KDM4B: variants seen among roughly 807,000 people sequenced by gnomAD.
The protein encoded by KDM4B is lysine demethylase 4B, also known as lysine-specific demethylase 4B.
A neutral mutation model predicts 125.2 loss-of-function variants in KDM4B; 32 were observed. The ratio of observed to expected loss-of-function variants is 0.26; its 90% CI spans 0.19 to 0.34. KDM4B has a LOEUF of 0.34. Among genes scored for constraint, KDM4B ranks in the 10% least tolerant of loss-of-function variants. The pLI is 1.00. For missense variants in KDM4B, 1,190 were observed against 1,577.7 expected, an observed-to-expected ratio of 0.75 and a Z score of 4.16; for synonymous variants, 721 against 677.9, an observed-to-expected ratio of 1.06 and a Z score of -0.99.
chr19:5,150,879 C>T (rs2039935010), intron 22 of KDM4B, among the ~76,000 whole-genome samples: 1 of 152,184 alleles, frequency 6.6e-6, no homozygotes, highest in Admixed American at 6.5e-5. Flanking sequence ...TGAGGTTTTT[C>T]CTTATTAAAC....
At chr19:5,051,413 G>A (rs1206278445) in intron 6 of KDM4B, among the ~76,000 whole-genome samples, 1 of 152,264 alleles carries the variant, frequency 6.6e-6, no homozygotes, top group South Asian at 2.1e-4. Flanking sequence ...ACCCTGCAGG[G>A]CAGTGTTGGG....
chr19:5,137,449 C>T, intron 16 of KDM4B, 111 bp downstream of exon 16: 1 of 1,238,440 alleles, frequency 8.1e-7, no homozygotes, highest in Non-Finnish European at 1.1e-6. Flanking sequence ...TGGGTTCCTT[C>T]ACCTCTGCCC....
chr19:5,102,687 G>A (rs1200936410), intron 9 of KDM4B, among the ~76,000 whole-genome samples: 1 of 152,106 alleles, frequency 6.6e-6, no homozygotes, highest in Non-Finnish European at 1.5e-5. Flanking sequence ...TCCCTTCACC[G>A]GCAATGGGCG....
At chr19:4,994,078 C>T (rs570164290) in intron 1 of KDM4B, among the ~76,000 whole-genome samples, 14 of 101,296 alleles carry the variant, frequency 1.4e-4, no homozygotes, top group African/African-American at 4.7e-4. Flanking sequence ...GACAGGGTTT[C>T]GACCTCCCGG....
At chr19:5,119,246 CG>C (rs2039313620) in intron 10 of KDM4B, 1 of 1,420,586 alleles carries the variant, frequency 7.0e-7, no homozygotes, top group African/African-American at 1.4e-5. Context: ...TTCCGTTTGT[CG>C]TCTAGGCATT....
At chr19:4,975,880 A>C (rs1465378546) in intron 1 of KDM4B, among the ~76,000 whole-genome samples, 5 of 149,758 alleles carry the variant, frequency 3.3e-5, no homozygotes, top group Non-Finnish European at 7.4e-5. Flanking sequence ...GGCGTGACCC[A>C]CCGTGCCCAG....
At chr19:5,092,704 GGCACTGGCGAGGGAGCCCA>G (rs1439185624) in intron 9 of KDM4B, among the ~76,000 whole-genome samples, 1 of 152,182 alleles carries the variant, frequency 6.6e-6, no homozygotes, top group East Asian at 1.9e-4. Flanking sequence ...CCCCTCGAGG[GGCACTGGCGAGGGAGCCCA>G]GGGGTCAGCC....
intron 11 of KDM4B, 74 bp from the exon 12 acceptor site, chr19:5,131,002 G>T: frequency 1.8e-6 from 2 of 1,141,938 alleles, no homozygotes; most frequent in Non-Finnish European, 1.2e-6. Flanking sequence ...CAAAGTTGGG[G>T]GATTTCTGGG....
At position 5,144,915 on chromosome 19, in the gene KDM4B, T is replaced by C; in HGVS notation, c.3021+13T>C. The C allele has an allele frequency of 6.2e-7, 1 of 1,612,940 alleles. No homozygotes were observed. Among genetic ancestry groups the C allele is most frequent in the Non-Finnish European group, 8.5e-7 (1 of 1,179,658 alleles). ...CCACATCTACCAGGTAAGCGGGGGA[T>C]CTGGCAGCCGCGCCATGCCTTCACC... On this transcript the variant is annotated intron_variant, in intron 21 of 22. Transcript: ENST00000159111.
intron 13 of KDM4B, 64 bp downstream of exon 13, chr19:5,132,071 G>C (rs921888408): frequency 1.7e-5 from 26 of 1,491,930 alleles, no homozygotes; most frequent in African/African-American, 8.4e-5. Flanking sequence ...GCTGCTGGAG[G>C]GGGGGCCTGG....
chr19:5,017,048 C>T (rs970414206), intron 2 of KDM4B, among the ~76,000 whole-genome samples: 3 of 152,322 alleles, frequency 2.0e-5, no homozygotes, highest in Non-Finnish European at 4.4e-5. Flanking sequence ...GGCAGAGCAC[C>T]GGGGAAAGGC....
intron 11 of KDM4B, among the ~76,000 whole-genome samples, chr19:5,129,904 G>A (rs943976357): frequency 3.3e-5 from 5 of 152,326 alleles, no homozygotes; most frequent in South Asian, 4.1e-4. Context: ...AACTTACCCT[G>A]AGTGCGGCGG....
At position 4,991,123 on chromosome 19, in the gene KDM4B, A is replaced by T. The variant is rs142623584; in HGVS notation, c.-109+21893A>T. On this transcript the variant is annotated intron_variant, in intron 1 of 22. Coordinates refer to ENST00000159111, the MANE Select transcript of KDM4B (RefSeq NM_015015.3). ...ACAGAGTGAGACTCGGTCTCAAAAA[A>T]TAGTAAAGCAAAAAATAAAAATAAA... Among the ~76,000 whole-genome samples the T allele has an allele frequency of 7.0e-3, 1,064 of 152,290 alleles. 9 individuals carry two copies. The highest frequency in any genetic ancestry group is 0.025 in the African/African-American group (1,022 of 41,552).
chr19:4,987,995 G>A (rs557110690), intron 1 of KDM4B, among the ~76,000 whole-genome samples: 3 of 152,206 alleles, frequency 2.0e-5, no homozygotes, highest in African/African-American at 4.8e-5. Context: ...CCTGCACAGC[G>A]ATGTGGTCTT....
At chr19:4,999,090 C>G (rs1599382610) in intron 1 of KDM4B, among the ~76,000 whole-genome samples, 2 of 152,330 alleles carry the variant, frequency 1.3e-5, no homozygotes, top group East Asian at 3.9e-4. Flanking sequence ...CTGCTTGTTT[C>G]AGCAGACATT....
chr19:5,000,209 C>T, intron 1 of KDM4B, among the ~76,000 whole-genome samples: 1 of 105,064 alleles, frequency 9.5e-6, no homozygotes, highest in East Asian at 3.2e-4. Flanking sequence ...TACCATCCAT[C>T]CACCCACCCA....
In KDM4B at chr19:5,081,803, G is replaced by A. The variant is rs543555640; in HGVS notation, c.781-564G>A. ...GGCCCCTTCCTGGCGTGTTTTGCGC[G>A]TGCAGTGGTGGTTCCTTTCTCATGC... is the stretch of plus-strand genomic sequence containing the variant. On this transcript the variant is annotated intron_variant, in intron 8 of 22. Coordinates refer to ENST00000159111, the MANE Select transcript of KDM4B (RefSeq NM_015015.3). The surrounding 1 kb of genome is among the most constrained non-coding windows in gnomAD (Gnocchi z 4.2). Among the ~76,000 whole-genome samples the A allele has an allele frequency of 3.3e-5, 5 of 152,316 alleles. No individual in the cohort carries two copies. The South Asian group carries it at 6.2e-4, about 19-fold the overall frequency.
At chr19:5,120,020 G>T (rs992820182) in intron 11 of KDM4B, among the ~76,000 whole-genome samples, 168 bp downstream of exon 11, 5 of 152,242 alleles carry the variant, frequency 3.3e-5, no homozygotes, top group African/African-American at 9.6e-5. Context: ...ATCGTAAGGT[G>T]GAGGCCGTAA....
chr19:5,047,517 G>A lies in KDM4B; in HGVS notation c.474G>A (p.Leu158=). The change falls in exon 6 of 23, where the codon CTG becomes CTA. Residue 158 remains leucine, a synonymous_variant. Transcript: ENST00000159111. ...ACATCGGGAGCCTCCGGACCATCCT[G>A]GACATGGTGGAGCGCGAGTGCGGCA... ...QWNIGSLRTI[L]DMVERECGTI... is the part of the protein sequence containing the mutation. 6.2e-7 allele frequency: 1 copy of A among 1,613,642 alleles called. No individual in the cohort carries two copies. Among genetic ancestry groups the A allele is most frequent in the Middle Eastern group, 1.7e-4 (1 of 6,060 alleles).
Sources: allele counts gnomAD v4.1 joint callset (sites outside exome capture counted in the v4.1 genomes callset), GRCh38; gene constraint gnomAD v4.1.1; non-coding constraint Gnocchi (gnomAD v3.1); transcripts MANE v1.5; gene names NCBI Gene and HGNC (gene_info 2026-07-23, HGNC 2026-07-21).